The following OSBPL1A variants were observed in gnomAD, a reference collection of about 807,000 sequenced individuals.
OSBPL1A encodes oxysterol-binding protein-related protein 1.
A neutral mutation model predicts 137.1 loss-of-function variants in OSBPL1A; 80 were observed. That is an observed-to-expected ratio of 0.58 (90% CI 0.49 to 0.70). The LOEUF (loss-of-function observed/expected upper bound fraction) is 0.70, where lower values mean the gene tolerates loss of function less well. Ranked by LOEUF, OSBPL1A falls within the 30% of genes least tolerant of loss-of-function variation. The pLI, the probability that OSBPL1A is intolerant of heterozygous loss-of-function variation, is 0.00. For synonymous variants in OSBPL1A, 365 were observed against 389.7 expected, an observed-to-expected ratio of 0.94 and a Z score of 0.75; for missense variants, 970 against 1,129.4, an observed-to-expected ratio of 0.86 and a Z score of 2.02.
At chr18:24,171,291 C>T in intron 23 of OSBPL1A, 118 bp downstream of exon 23, 1 of 721,286 alleles carries the variant, frequency 1.4e-6, no homozygotes, top group South Asian at 2.0e-5. Flanking sequence ...CTCAGCCTCC[C>T]AAAGTGCTGG....
intron 14 of OSBPL1A, among the ~76,000 whole-genome samples, chr18:24,295,425 CATTT>C (rs1050891677): frequency 1.3e-5 from 2 of 151,954 alleles, no homozygotes; most frequent in African/African-American, 4.8e-5. Context: ...AATTAGGTTC[CATTT>C]ATTTATTTTT....
In OSBPL1A at chr18:24,175,135, TACAC is replaced by T. The variant is rs200022346; in HGVS notation, c.2094-2656_2094-2653del. 2.8e-3 allele frequency among the ~76,000 whole-genome samples: 273 copies of T among 96,348 alleles called. 2 individuals carry two copies. Among genetic ancestry groups the T allele is most frequent in the South Asian group, 5.6e-3 (16 of 2,878 alleles). 63.2% of individuals were successfully genotyped at this position (96,348 alleles called of 152,430 possible). On this transcript the variant is annotated intron_variant, in intron 21 of 27. Transcript: ENST00000319481. Reference sequence around the variant, plus strand: ...ATATATATATATATATATATATATATACACATATATATATATATATGAAGTATCT... The same window carrying T: ...ATATATATATATATATATATATATATATATATATATATATATGAAGTATCT...
intron 26 of OSBPL1A, among the ~76,000 whole-genome samples, chr18:24,165,478 A>G (rs960189282): frequency 6.6e-6 from 1 of 152,216 alleles, no homozygotes; most frequent in African/African-American, 2.4e-5. Flanking sequence ...AACTAAATAA[A>G]TGTGAAATTA....
rs529881888 is a variant in OSBPL1A at position 24,256,141 on chromosome 18, A to T, written c.1282-16759T>A. On this transcript the variant is annotated intron_variant, in intron 15 of 27. Transcript: ENST00000319481. ...ACCTGTCTCAGATTTTTGAATCCACATGTTGATATCAAAACCAAAGACACA... is the reference window on the plus strand; with the variant it reads ...ACCTGTCTCAGATTTTTGAATCCACTTGTTGATATCAAAACCAAAGACACA... 3.3e-5 allele frequency among the ~76,000 whole-genome samples: 5 copies of T among 152,284 alleles called. No homozygotes were observed. The South Asian group carries it at 1.0e-3, about 32-fold the overall frequency.
chr18:24,248,292 A>C (rs982369186), intron 15 of OSBPL1A, among the ~76,000 whole-genome samples: 3 of 152,182 alleles, frequency 2.0e-5, no homozygotes, highest in African/African-American at 7.2e-5. Flanking sequence ...TCTTGACATT[A>C]TACATAAGTT....
Position 24,271,746 on chromosome 18 carries a change from G to A in OSBPL1A, c.1281+9096C>T, listed in dbSNP as rs1189598623. On this transcript the variant is annotated intron_variant, in intron 15 of 27. Coordinates refer to ENST00000319481, the MANE Select transcript of OSBPL1A (RefSeq NM_080597.4). This position sits in a 1 kb window ranked among gnomAD's most constrained non-coding sequence, Gnocchi z 4.0. The stretch of plus-strand genomic sequence containing the variant: ...GTCGAGCCGAGGCGAGCCGATCCGG[G>A]AGGCGCGACCCAGGGCGGCCCGCAA... 1 of 985,612 alleles carries A rather than the reference G, an allele frequency of 1.0e-6. No homozygotes were observed. The highest frequency in any genetic ancestry group is 1.2e-6 in the Non-Finnish European group (1 of 830,142). 61.1% of individuals were successfully genotyped at this position (985,612 alleles called of 1,614,324 possible). A position where few individuals can be genotyped will look rare whatever the true frequency, so the allele number is the denominator to read the frequency against.
intron 17 of OSBPL1A, among the ~76,000 whole-genome samples, chr18:24,197,596 A>G (rs79886781): frequency 0.022 from 3,353 of 152,114 alleles, 137 homozygotes; most frequent in East Asian, 0.19. Flanking sequence ...CATCTAACCA[A>G]TCTGCTGGAT....
chr18:24,256,919 T>C (rs549991718), intron 15 of OSBPL1A, among the ~76,000 whole-genome samples: 1 of 125,756 alleles, frequency 8.0e-6, no homozygotes, highest in Non-Finnish European at 1.6e-5. Flanking sequence ...GAAAGATCTC[T>C]ATGGTGAAAA....
chr18:24,390,095 C>G (rs1385741077), intron 1 of OSBPL1A, among the ~76,000 whole-genome samples: 3 of 152,148 alleles, frequency 2.0e-5, no homozygotes, highest in Admixed American at 2.0e-4. Context: ...GAATAGAGTT[C>G]TTAAAGGTAT....
intron 15 of OSBPL1A, among the ~76,000 whole-genome samples, chr18:24,251,768 G>A (rs535378526): frequency 6.6e-6 from 1 of 152,270 alleles, no homozygotes; most frequent in African/African-American, 2.4e-5. Context: ...AGGGACATGT[G>A]ACATTTCAGA....
intron 14 of OSBPL1A, among the ~76,000 whole-genome samples, chr18:24,296,297 C>A (rs995458132): frequency 1.3e-5 from 2 of 152,114 alleles, no homozygotes; most frequent in African/African-American, 2.4e-5. Flanking sequence ...TGATTTGATT[C>A]TCAGCTTGGT....
At chr18:24,331,103 T>C (rs543169796) in intron 7 of OSBPL1A, among the ~76,000 whole-genome samples, 1 of 151,990 alleles carries the variant, frequency 6.6e-6, no homozygotes, top group Non-Finnish European at 1.5e-5. Flanking sequence ...GTGAAACTAT[T>C]TCTAATGACT....
At chr18:24,276,534 G>A (rs2089849486) in intron 15 of OSBPL1A, among the ~76,000 whole-genome samples, 1 of 152,022 alleles carries the variant, frequency 6.6e-6, no homozygotes, top group Non-Finnish European at 1.5e-5. Context: ...CCGCCTCCTG[G>A]GTTCAATGGA....
chr18:24,181,542 C>A (rs1242585483), intron 18 of OSBPL1A, among the ~76,000 whole-genome samples: 1 of 152,152 alleles, frequency 6.6e-6, no homozygotes, highest in Non-Finnish European at 1.5e-5. Context: ...TGCTGGTGAG[C>A]ATGAGCAGAT....
chr18:24,328,903 C>T (rs748910844), intron 7 of OSBPL1A, among the ~76,000 whole-genome samples: 1 of 152,164 alleles, frequency 6.6e-6, no homozygotes, highest in Non-Finnish European at 1.5e-5. Context: ...TTAAATAAAA[C>T]ACATAATTGC....
chr18:24,244,289 T>C (rs2088814671), intron 15 of OSBPL1A, among the ~76,000 whole-genome samples: 1 of 152,230 alleles, frequency 6.6e-6, no homozygotes, highest in Non-Finnish European at 1.5e-5. Context: ...TCTCAAACAA[T>C]AATCATCACC....
Position 24,352,275 on chromosome 18 carries a change from C to T in OSBPL1A, c.283-10617G>A, listed in dbSNP as rs563053772. ...AGTGATTGTGCCACCGCACTCCAGC[C>T]TGGGTGACAGAGTGAGACCCTGTCT... On this transcript the variant is annotated intron_variant, in intron 4 of 27. Coordinates refer to ENST00000319481, the MANE Select transcript of OSBPL1A (RefSeq NM_080597.4). 7.9e-5 allele frequency among the ~76,000 whole-genome samples: 12 copies of T among 152,200 alleles called. No homozygotes were observed. In the East Asian group the frequency reaches 2.3e-3, roughly 29 times the overall value.
intron 18 of OSBPL1A, among the ~76,000 whole-genome samples, chr18:24,183,726 G>A (rs1443463186): frequency 1.3e-5 from 2 of 152,216 alleles, no homozygotes; most frequent in South Asian, 2.1e-4. Flanking sequence ...GTGAGCCACC[G>A]TGCCCAGCCC....
chr18:24,342,305 T>C (rs927422435), intron 4 of OSBPL1A, among the ~76,000 whole-genome samples: 4 of 152,160 alleles, frequency 2.6e-5, no homozygotes, highest in Non-Finnish European at 5.9e-5. Context: ...TGTACATACG[T>C]CCAGTATCAC....
Sources: allele counts gnomAD v4.1 joint callset (sites outside exome capture counted in the v4.1 genomes callset), GRCh38; gene constraint gnomAD v4.1.1; non-coding constraint Gnocchi (gnomAD v3.1); transcripts MANE v1.5; gene names NCBI Gene and HGNC (gene_info 2026-07-23, HGNC 2026-07-21).